Variants in NPAS3 observed in about 807,000 individuals in gnomAD.
NPAS3 encodes the protein neuronal PAS domain protein 3.
A neutral mutation model predicts 73.1 loss-of-function variants in NPAS3; 14 were observed. That is an observed-to-expected ratio of 0.19 (90% CI 0.13 to 0.30). The LOEUF is 0.30. Ranked by LOEUF, NPAS3 falls within the 10% of genes least tolerant of loss-of-function variation. NPAS3 has a pLI of 1.00. For synonymous variants in NPAS3, 620 were observed against 541.5 expected (o/e 1.14, Z -2.01); for missense variants, 1,096 against 1,250.0 (o/e 0.88, Z 1.86).
chr14:33,205,514 A>G (rs1318365437), intron 2 of NPAS3, among the ~76,000 whole-genome samples: 1 of 152,190 alleles, frequency 6.6e-6, no homozygotes, highest in African/African-American at 2.4e-5. Context: ...TGGCAACCAT[A>G]CATGTGCTTT....
chr14:33,127,763 T>C (rs1181666489), intron 2 of NPAS3, among the ~76,000 whole-genome samples: 2 of 152,178 alleles, frequency 1.3e-5, no homozygotes, highest in African/African-American at 4.8e-5. Flanking sequence ...CCCATGGCTT[T>C]GGAGGATGTG....
chr14:33,379,960 C>A (rs1032376579), intron 4 of NPAS3, among the ~76,000 whole-genome samples: 3 of 138,410 alleles, frequency 2.2e-5, no homozygotes, highest in African/African-American at 8.0e-5. Flanking sequence ...ACAGAAGAAT[C>A]TTAAGTAGTT....
intron 3 of NPAS3, among the ~76,000 whole-genome samples, chr14:33,359,496 G>A (rs1158226101): frequency 2.0e-5 from 3 of 152,150 alleles, no homozygotes; most frequent in South Asian, 2.1e-4. Context: ...CCTACTGGGT[G>A]GAATCATGCC....
At chr14:33,688,811 G>A (rs963771597) in intron 6 of NPAS3, among the ~76,000 whole-genome samples, 1 of 152,136 alleles carries the variant, frequency 6.6e-6, no homozygotes, top group Admixed American at 6.6e-5. Context: ...GGAAGTCTCT[G>A]GTTTTTCCAT....
At chr14:33,023,068 C>T (rs1465074192) in intron 1 of NPAS3, among the ~76,000 whole-genome samples, 1 of 151,428 alleles carries the variant, frequency 6.6e-6, no homozygotes, top group East Asian at 1.9e-4. Flanking sequence ...GCCGACATAA[C>T]AAAAATAGTG....
intron 5 of NPAS3, among the ~76,000 whole-genome samples, chr14:33,673,856 A>G (rs2059679054): frequency 1.3e-5 from 2 of 152,236 alleles, no homozygotes; most frequent in Non-Finnish European, 2.9e-5. Context: ...GAGGAGGAAG[A>G]TTCTGGTCTT....
chr14:33,800,469 C>T lies in NPAS3; in HGVS notation c.2162C>T (p.Ala721Val). Residue 721 changes from alanine (A) to valine (V), a missense_variant, in exon 12 of 12, where the codon GCC (alanine) becomes GTC (valine). This residue lies in a region of NPAS3 where 698 missense variants were observed against 676.7 expected (regional missense o/e 1.03). Transcript: ENST00000356141. This position sits in a 1 kb window ranked among gnomAD's most constrained non-coding sequence, Gnocchi z 6.5. ...GACTCGGTCCTCACCCCGCCCGGCG[C>T]CGACGGCGCGGCCGCCCGCAAGACT... 3 of 1,495,872 alleles carry T rather than the reference C, an allele frequency of 2.0e-6. No individual in the cohort carries two copies. The highest frequency in any genetic ancestry group is 2.7e-6 in the Non-Finnish European group (3 of 1,128,840). The allele number at this position is 1,495,872 out of a possible 1,614,324, so 92.7% of individuals were successfully genotyped here.
intron 4 of NPAS3, among the ~76,000 whole-genome samples, chr14:33,406,816 A>G (rs1211758552): frequency 2.0e-5 from 3 of 152,070 alleles, no homozygotes; most frequent in African/African-American, 7.2e-5. Context: ...CAGAACCAAA[A>G]TTTATGAATA....
intron 4 of NPAS3, among the ~76,000 whole-genome samples, chr14:33,475,060 C>A (rs1399401720): frequency 6.6e-6 from 1 of 152,208 alleles, no homozygotes; most frequent in African/African-American, 2.4e-5. Context: ...AGCTGACATG[C>A]ACTCCTACCC....
rs568959844 is a variant in NPAS3 at position 33,303,895 on chromosome 14, C to G, written c.386-63291C>G. 6.0e-5 allele frequency among the ~76,000 whole-genome samples: 9 copies of G among 149,860 alleles called. No homozygotes were observed. The South Asian group carries it at 1.7e-3, about 28-fold the overall frequency. ...GGACAGAAACATAGAAACTCACTAC[C>G]AAGCTTTGTTTTTGTTTTTGTTTTT... On this transcript the variant is annotated intron_variant, in intron 3 of 11. Transcript: ENST00000356141.
intron 1 of NPAS3, among the ~76,000 whole-genome samples, chr14:32,975,072 T>C (rs901709899): frequency 6.6e-6 from 1 of 152,172 alleles, no homozygotes; most frequent in Non-Finnish European, 1.5e-5. Flanking sequence ...CAGAGTACCA[T>C]ACTAGTGAAA....
chr14:33,310,017 C>T (rs1267894464), intron 3 of NPAS3, among the ~76,000 whole-genome samples: 1 of 152,088 alleles, frequency 6.6e-6, no homozygotes, highest in Non-Finnish European at 1.5e-5. Context: ...TTTGTTTTCA[C>T]CTTTACTACT....
At chr14:33,174,242 A>G (rs547361793) in intron 2 of NPAS3, among the ~76,000 whole-genome samples, 1 of 152,310 alleles carries the variant, frequency 6.6e-6, no homozygotes, top group Non-Finnish European at 1.5e-5. Flanking sequence ...ACTGCACATC[A>G]GCATGCCCCT....
At chr14:33,456,024 T>C (rs1566919304) in intron 4 of NPAS3, among the ~76,000 whole-genome samples, 2 of 152,238 alleles carry the variant, frequency 1.3e-5, no homozygotes, top group Non-Finnish European at 2.9e-5. Context: ...AGTAATCATT[T>C]GTACTATTAC....
At chr14:32,937,411 G>C (rs772571985), upstream of NPAS3, among the ~76,000 whole-genome samples, 17 of 152,098 alleles carry the variant, frequency 1.1e-4, no homozygotes, top group Admixed American at 2.0e-4. Context: ...TCTCTCATTT[G>C]TCATCTTCGG....
intron 3 of NPAS3, among the ~76,000 whole-genome samples, chr14:33,217,405 T>C (rs1329858705): frequency 6.6e-6 from 1 of 152,204 alleles, no homozygotes; most frequent in Admixed American, 6.5e-5. Flanking sequence ...TTTTCCACTC[T>C]AGTTTGAGGC....
intron 3 of NPAS3, among the ~76,000 whole-genome samples, chr14:33,292,656 C>A (rs1181214656): frequency 4.6e-5 from 7 of 151,982 alleles, no homozygotes. Context: ...CCTGCAAAGA[C>A]GACTTACCCA....
At chr14:33,026,615 A>G (rs756818824) in intron 1 of NPAS3, among the ~76,000 whole-genome samples, 3 of 152,070 alleles carry the variant, frequency 2.0e-5, no homozygotes, top group Non-Finnish European at 4.4e-5. Flanking sequence ...GGAGGAATCA[A>G]GATCTATAAT....
intron 7 of NPAS3, among the ~76,000 whole-genome samples, chr14:33,735,925 A>T (rs930882043): frequency 4.6e-5 from 7 of 152,216 alleles, no homozygotes; most frequent in African/African-American, 1.7e-4. Context: ...CAAAATCTAC[A>T]TTATCATCAT....
Sources: allele counts gnomAD v4.1 joint callset (sites outside exome capture counted in the v4.1 genomes callset), GRCh38; gene constraint gnomAD v4.1.1; regional missense constraint gnomAD v4.1.1; non-coding constraint Gnocchi (gnomAD v3.1); transcripts MANE v1.5; gene names NCBI Gene and HGNC (gene_info 2026-07-23, HGNC 2026-07-21).